Variants in ACSL3 observed in about 807,000 individuals in gnomAD.
The protein encoded by ACSL3 is acyl-CoA synthetase long chain family member 3.
Under a neutral mutation model 84.7 loss-of-function variants are expected in ACSL3, and 34 were observed. The ratio of observed to expected loss-of-function variants is 0.40; its 90% CI spans 0.31 to 0.53. ACSL3 has a LOEUF of 0.53. Ranked by LOEUF, ACSL3 falls within the 20% of genes least tolerant of loss-of-function variation. The probability of loss-of-function intolerance (pLI) is 0.48; values close to 1 mark genes in which losing one functional copy is unlikely to be tolerated. For missense variants in ACSL3, 680 were observed against 873.1 expected (o/e 0.78, Z 2.79); for synonymous variants, 315 against 299.4 (o/e 1.05, Z -0.54).
At chr2:222,873,736 G>T (rs1351504445) in intron 1 of ACSL3, among the ~76,000 whole-genome samples, 1 of 152,122 alleles carries the variant, frequency 6.6e-6, no homozygotes, top group South Asian at 2.1e-4. Context: ...TTTAGTGGTT[G>T]TATAATAATC....
intron 1 of ACSL3, among the ~76,000 whole-genome samples, chr2:222,868,269 G>C (rs1293677694): frequency 6.6e-6 from 1 of 152,028 alleles, no homozygotes; most frequent in African/African-American, 2.4e-5. Context: ...ATTGGAATCC[G>C]GGCTCTACTT....
intron 5 of ACSL3, among the ~76,000 whole-genome samples, chr2:222,916,978 TC>T (rs1198806489): frequency 6.6e-6 from 1 of 152,170 alleles, no homozygotes; most frequent in South Asian, 2.1e-4. Flanking sequence ...AAGCATAAGT[TC>T]AGAGGTCTCG....
At chr2:222,939,367 T>C (rs1697247485) in intron 16 of ACSL3, among the ~76,000 whole-genome samples, 1 of 152,164 alleles carries the variant, frequency 6.6e-6, no homozygotes. Flanking sequence ...TTGAAGAGGT[T>C]TGCTGGTTTC....
At chr2:222,893,457 GT>G (rs1695890144) in intron 2 of ACSL3, among the ~76,000 whole-genome samples, 1 of 152,144 alleles carries the variant, frequency 6.6e-6, no homozygotes, top group Non-Finnish European at 1.5e-5. Flanking sequence ...CAGTCCATGA[GT>G]TTTGTGGAGG....
In ACSL3 at chr2:222,943,087, A is replaced by C. The variant is rs1330706205; in HGVS notation, c.*1433A>C. 5 of 48,164 alleles carry C rather than the reference A, an allele frequency of 1.0e-4. No homozygotes were observed. Among genetic ancestry groups the C allele is most frequent in the Non-Finnish European group, 1.7e-4 (5 of 29,024 alleles). 3.0% of individuals were successfully genotyped at this position (48,164 alleles called of 1,614,324 possible). On this transcript the variant is annotated 3_prime_UTR_variant, in exon 17 of 17. Transcript: ENST00000357430. Reference sequence around the variant, plus strand: ...TGTAGGCATCAAAAGGCAAAAATCAAAAAAAAAAAAAACAAAAACAAAAAA... The same window carrying C: ...TGTAGGCATCAAAAGGCAAAAATCACAAAAAAAAAAAACAAAAACAAAAAA...
At chr2:222,923,290 C>T (rs572203101) in intron 10 of ACSL3, 141 bp downstream of exon 10, 22 of 680,022 alleles carry the variant, frequency 3.2e-5, no homozygotes, top group South Asian at 7.4e-5. Flanking sequence ...TTGCCTTAGG[C>T]GCTATGGGAT....
At chr2:222,879,487 A>AC (rs1435473683) in intron 1 of ACSL3, among the ~76,000 whole-genome samples, 13 of 152,146 alleles carry the variant, frequency 8.5e-5, no homozygotes, top group African/African-American at 1.4e-4. Context: ...CCTCCCTGTT[A>AC]GGCAGGAGTG....
rs1697334336 is a variant in ACSL3, at chr2:222,942,363, G to A, written c.*709G>A. The A allele has an allele frequency of 5.2e-6, 1 of 190,572 alleles. No individual in the cohort carries two copies. 11.8% of individuals were successfully genotyped at this position (190,572 alleles called of 1,614,324 possible). A position where few individuals can be genotyped will look rare whatever the true frequency, so the allele number is the denominator to read the frequency against. On this transcript the variant is annotated 3_prime_UTR_variant, in exon 17 of 17. Coordinates refer to ENST00000357430, the MANE Select transcript of ACSL3 (RefSeq NM_004457.5). ...GTTTAATAGTAAGGGAGATAACACA[G>A]CATGTGTAGCACCAGTTGATAATTG...
At chr2:222,863,097 T>C (rs754220823) in intron 1 of ACSL3, among the ~76,000 whole-genome samples, 4 of 152,192 alleles carry the variant, frequency 2.6e-5, no homozygotes, top group South Asian at 2.1e-4. Context: ...TTTTGTGATA[T>C]GTCAGGCACC....
intron 3 of ACSL3, among the ~76,000 whole-genome samples, chr2:222,901,964 A>AAAAAAAAAAACG (rs57522671): frequency 1.0e-5 from 1 of 99,456 alleles, no homozygotes. Flanking sequence ...AAAAAAAAAA[A>AAAAAAAAAAACG]GAACTCAAAT....
rs1696369979 is a variant in ACSL3, at chr2:222,908,993, T to C, written c.221T>C (p.Leu74Ser). The change falls in exon 4 of 17, where the codon TTG becomes TCG. Residue 74 changes from leucine to serine, a missense_variant. Transcript: ENST00000357430. ...TCTGCATACAGATCTGTTAATAGTTTGGATGGTTTGGCTTCAGTATTATAC... is the reference window on the plus strand; with the variant it reads ...TCTGCATACAGATCTGTTAATAGTTCGGATGGTTTGGCTTCAGTATTATAC... ...PDSAYRSVNSLDGLASVLYPG... is the reference protein window; with the variant it reads ...PDSAYRSVNSSDGLASVLYPG... 3.1e-6 allele frequency: 5 copies of C among 1,613,864 alleles called. No individual in the cohort carries two copies. Among genetic ancestry groups the C allele is most frequent in the African/African-American group, 1.3e-5 (1 of 75,048 alleles).
chr2:222,933,505 G>GC, intron 15 of ACSL3: 1 of 407,492 alleles, frequency 2.5e-6, no homozygotes, highest in Non-Finnish European at 4.4e-6. Context: ...TCTCACTGCA[G>GC]TGTCCCATGG....
chr2:222,928,542 T>C (rs1696941420), intron 12 of ACSL3, among the ~76,000 whole-genome samples: 1 of 152,020 alleles, frequency 6.6e-6, no homozygotes, highest in East Asian at 1.9e-4. Context: ...ATGCCCTCTC[T>C]AACAGAGGCC....
chr2:222,908,701 T>G, intron 3 of ACSL3, 32 bp from the exon 4 acceptor site: 1 of 1,382,420 alleles, frequency 7.2e-7, no homozygotes, highest in South Asian at 1.3e-5. Context: ...AAAATGATTT[T>G]GAACTAACGC....
At chr2:222,927,620 T>TA (rs1328328341) in intron 12 of ACSL3, among the ~76,000 whole-genome samples, 1 of 152,234 alleles carries the variant, frequency 6.6e-6, no homozygotes, top group Non-Finnish European at 1.5e-5. Context: ...GAGAAGGAAC[T>TA]AAGTTCTGGT....
intron 1 of ACSL3, among the ~76,000 whole-genome samples, chr2:222,866,334 A>T (rs1695138723): frequency 6.6e-6 from 1 of 152,070 alleles, no homozygotes; most frequent in Non-Finnish European, 1.5e-5. Context: ...TTCGGTAGAG[A>T]TGGGGTTTCA....
intron 1 of ACSL3, among the ~76,000 whole-genome samples, chr2:222,874,953 A>T (rs1436520082): frequency 6.6e-6 from 1 of 152,154 alleles, no homozygotes; most frequent in African/African-American, 2.4e-5. Context: ...CCAACAAAAA[A>T]AAAAGATATA....
In ACSL3 at chr2:222,916,301, T is replaced by G; in HGVS notation, c.379-18T>G. Reference sequence around the variant, plus strand: ...ATTATTTTGATTACATTAAAAAAATTTTTTTTTGTTTTATCAGGTTATTCT... The same window carrying G: ...ATTATTTTGATTACATTAAAAAAATGTTTTTTTGTTTTATCAGGTTATTCT... On this transcript the variant is annotated intron_variant, in intron 4 of 16. Transcript: ENST00000357430. 7.4e-7 allele frequency: 1 copy of G among 1,349,940 alleles called. No individual in the cohort carries two copies. The highest frequency in any genetic ancestry group is 9.6e-7 in the Non-Finnish European group (1 of 1,040,794). 83.6% of individuals were successfully genotyped at this position (1,349,940 alleles called of 1,614,324 possible). A position where few individuals can be genotyped will look rare whatever the true frequency, so the allele number is the denominator to read the frequency against.
At chr2:222,905,726 C>A (rs568645821) in intron 3 of ACSL3, among the ~76,000 whole-genome samples, 78 of 152,272 alleles carry the variant, frequency 5.1e-4, no homozygotes, top group African/African-American at 1.8e-3. Flanking sequence ...AAGAAAATAG[C>A]CTGGAATGGT....
Sources: gnomAD v4.1 joint callset for allele counts (sites outside exome capture counted in the v4.1 genomes callset) on GRCh38, gnomAD v4.1.1 for gene constraint, MANE v1.5 for transcripts, NCBI Gene and HGNC (gene_info 2026-07-23, HGNC 2026-07-21) for gene names.